Variants in EXOC3 observed in about 807,000 individuals in gnomAD.
The protein encoded by EXOC3 is exocyst complex component 3, also known as SEC6-like 1.
Under a neutral mutation model 73.7 loss-of-function variants are expected in EXOC3, and 21 were observed. The ratio of observed to expected loss-of-function variants is 0.29; its 90% CI spans 0.20 to 0.41. The LOEUF (loss-of-function observed/expected upper bound fraction) is 0.41. EXOC3 is among the 10% of genes least tolerant of loss of function. EXOC3 has a pLI of 1.00. For synonymous variants in EXOC3, 410 were observed against 389.1 expected, an observed-to-expected ratio of 1.05 and a Z score of -0.63; for missense variants, 842 against 985.1, an observed-to-expected ratio of 0.85 and a Z score of 1.95.
intron 10 of EXOC3, chr5:464,659 G>A (rs1579746265): frequency 2.1e-6 from 1 of 467,910 alleles, no homozygotes; most frequent in Non-Finnish European, 3.9e-6. Context: ...AGGCCCGCGT[G>A]CCCCGTCTTA....
intron 4 of EXOC3, among the ~76,000 whole-genome samples, chr5:456,012 C>T (rs74547075): frequency 5.3e-5 from 8 of 152,208 alleles, no homozygotes; most frequent in Non-Finnish European, 1.2e-4. Context: ...GCGTTTTTAT[C>T]AGTAATGTCC....
intron 1 of EXOC3, among the ~76,000 whole-genome samples, chr5:445,795 G>A (rs927263784): frequency 1.3e-5 from 2 of 152,198 alleles, no homozygotes; most frequent in African/African-American, 4.8e-5. Context: ...TGGCCAAGGT[G>A]CTGGGGGAAA....
chr5:457,485 T>G (rs568810948), intron 5 of EXOC3: 162 of 227,962 alleles, frequency 7.1e-4, no homozygotes, highest in African/African-American at 3.5e-3. Context: ...AGCCGAGGTG[T>G]CCTCAGGAGC....
At position 465,735 on chromosome 5, in the gene EXOC3, G is replaced by T; in HGVS notation, c.1956G>T (p.Val652=). 1 of 1,613,908 alleles carries T rather than the reference G, an allele frequency of 6.2e-7. No individual in the cohort carries two copies. Among genetic ancestry groups the T allele is most frequent in the South Asian group, 1.1e-5 (1 of 91,072 alleles). ...RKLASGFGED[V]DGYCDTIVAV... ...CCTTCCAGGGTTTCGGGGAAGACGT[G>T]GACGGATACTGCGACACCATCGTGG... Residue 652 remains valine (V), a synonymous_variant, in exon 12 of 13, where the codon GTG becomes GTT. Transcript: ENST00000512944.
chr5:449,485 T>G (rs1274410735), intron 3 of EXOC3, among the ~76,000 whole-genome samples: 1 of 152,242 alleles, frequency 6.6e-6, no homozygotes, highest in Non-Finnish European at 1.5e-5. Flanking sequence ...TCACCACCAT[T>G]CTGCCTTCTG....
chr5:457,325 C>CAT (rs1463174868), intron 5 of EXOC3: 16 of 330,868 alleles, frequency 4.8e-5, no homozygotes, highest in Non-Finnish European at 2.6e-5. Context: ...CTCTGAGTCC[C>CAT]ATGGTTGGGG....
intron 4 of EXOC3, among the ~76,000 whole-genome samples, chr5:455,356 G>A (rs1467920177): frequency 6.6e-6 from 1 of 152,230 alleles, no homozygotes; most frequent in East Asian, 1.9e-4. Flanking sequence ...TCCTTGGGGA[G>A]TCTCGTGAGT....
At chr5:456,842 T>A in intron 4 of EXOC3, 47 bp from the exon 5 acceptor site, 1 of 1,417,950 alleles carries the variant, frequency 7.1e-7, no homozygotes, top group East Asian at 2.3e-5. Flanking sequence ...GGCATGCTCT[T>A]CTGTGTCTGT....
chr5:462,424 T>C (rs1170424252), intron 9 of EXOC3, 117 bp downstream of exon 9: 2 of 1,176,322 alleles, frequency 1.7e-6, no homozygotes, highest in African/African-American at 3.0e-5. Flanking sequence ...GGAGCCGGGC[T>C]GTGCACTTGC....
chr5:462,397 G>T, intron 9 of EXOC3, 90 bp downstream of exon 9: 3 of 1,445,096 alleles, frequency 2.1e-6, no homozygotes, highest in East Asian at 2.3e-5. Flanking sequence ...GAACTGTACC[G>T]TGCGGATGCC....
intron 11 of EXOC3, 125 bp downstream of exon 11, chr5:465,397 G>C (rs1332920571): frequency 9.1e-7 from 1 of 1,093,902 alleles, no homozygotes; most frequent in Non-Finnish European, 1.3e-6. Flanking sequence ...GGGGAGCCTG[G>C]GTCCAGGTCC....
intron 3 of EXOC3, 56 bp downstream of exon 3, chr5:447,808 A>G (rs1223755596): frequency 7.9e-7 from 1 of 1,263,692 alleles, no homozygotes; most frequent in Non-Finnish European, 1.1e-6. Context: ...TGCATGACTC[A>G]CTGAGTGCTC....
intron 2 of EXOC3, among the ~76,000 whole-genome samples, chr5:446,578 C>G (rs184496154): frequency 6.6e-6 from 1 of 152,192 alleles, no homozygotes. Flanking sequence ...ACCCTGAGGC[C>G]GGGTGCGGTG....
At chr5:457,138 G>T in intron 5 of EXOC3, 132 bp downstream of exon 5, 2 of 661,020 alleles carry the variant, frequency 3.0e-6, no homozygotes, top group East Asian at 5.5e-5. Context: ...TCAGTTGCCC[G>T]GGCTCTGCTT....
At chr5:465,021 G>A in intron 10 of EXOC3, 90 bp from the exon 11 acceptor site, 2 of 1,369,844 alleles carry the variant, frequency 1.5e-6, no homozygotes, top group South Asian at 1.5e-5. Context: ...CCTCCGGGGA[G>A]CCACCGGGAG....
At chr5:457,816 C>A in intron 5 of EXOC3, 84 bp from the exon 6 acceptor site, 3 of 1,415,978 alleles carry the variant, frequency 2.1e-6, no homozygotes, top group Non-Finnish European at 2.9e-6. Flanking sequence ...GGAGCTTGTG[C>A]ATGCAACTGA....
chr5:443,604 G>A (rs529947623), intron 1 of EXOC3, among the ~76,000 whole-genome samples: 6 of 152,088 alleles, frequency 3.9e-5, no homozygotes, highest in African/African-American at 1.4e-4. Flanking sequence ...CGCCCCAGGC[G>A]CTGGTGTCCT....
Position 447,065 on chromosome 5 carries a change from G to A in EXOC3, c.145-468G>A, listed in dbSNP as rs1407809262. 2 of 155,838 alleles carry A rather than the reference G, an allele frequency of 1.3e-5. 1 individual carries two copies. The allele number at this position is 155,838 out of a possible 1,614,324, so 9.7% of individuals were successfully genotyped here. The stretch of plus-strand genomic sequence containing the variant: ...GCCGATTCTGTCCTGTGGGTCAGCC[G>A]TCCTGGGGCCAAGTGTGGTGCTGGC... On this transcript the variant is annotated intron_variant, in intron 2 of 12. Transcript: ENST00000512944.
intron 1 of EXOC3, among the ~76,000 whole-genome samples, chr5:444,685 C>T (rs770271148): frequency 2.0e-5 from 3 of 152,128 alleles, no homozygotes; most frequent in Non-Finnish European, 4.4e-5. Context: ...GGGAGTTGCC[C>T]CTGAGTGTCG....
Sources: allele counts gnomAD v4.1 joint callset (sites outside exome capture counted in the v4.1 genomes callset), GRCh38; gene constraint gnomAD v4.1.1; transcripts MANE v1.5; gene names NCBI Gene and HGNC (gene_info 2026-07-23, HGNC 2026-07-21).